Variants in MAGI2 observed in about 807,000 individuals in gnomAD.
The protein encoded by MAGI2 is membrane associated guanylate kinase, WW and PDZ domain containing 2.
MAGI2 carries 35 observed loss-of-function variants against 133.3 expected under a neutral mutation model. That is an observed-to-expected ratio of 0.26 (90% CI 0.20 to 0.35). The LOEUF (loss-of-function observed/expected upper bound fraction) is 0.35, where lower values mean the gene tolerates loss of function less well. Among genes scored for constraint, MAGI2 ranks in the 10% least tolerant of loss-of-function variants. The pLI is 1.00. For synonymous variants in MAGI2, 729 were observed against 710.6 expected, an observed-to-expected ratio of 1.03 and a Z score of -0.41; for missense variants, 1,636 against 1,863.4, an observed-to-expected ratio of 0.88 and a Z score of 2.25.
At chr7:78,900,711 TATTA>T (rs1797561061) in intron 2 of MAGI2, among the ~76,000 whole-genome samples, 1 of 152,208 alleles carries the variant, frequency 6.6e-6, no homozygotes, top group Non-Finnish European at 1.5e-5. Flanking sequence ...TGATTAATCC[TATTA>T]ATTATACCAT....
At chr7:78,277,391 C>T (rs1002283688) in intron 9 of MAGI2, among the ~76,000 whole-genome samples, 10 of 152,030 alleles carry the variant, frequency 6.6e-5, no homozygotes, top group Non-Finnish European at 1.2e-4. Context: ...AAATAATCAC[C>T]CTTATTTCTC....
intron 1 of MAGI2, among the ~76,000 whole-genome samples, chr7:79,326,348 T>C (rs1180447619): frequency 6.6e-6 from 1 of 152,150 alleles, no homozygotes; most frequent in Admixed American, 6.6e-5. Flanking sequence ...AGAAAAAAAC[T>C]AGACTACCAC....
intron 2 of MAGI2, among the ~76,000 whole-genome samples, chr7:78,763,315 C>T (rs1824699341): frequency 6.6e-6 from 1 of 152,182 alleles, no homozygotes; most frequent in Non-Finnish European, 1.5e-5. Context: ...GGCTTGCATG[C>T]ACAATGAGAC....
rs149373397 is a variant in MAGI2 at position 79,313,486 on chromosome 7, C to T, written c.301+139534G>A. ...TCTCTCTCTCTGAGAGAAAGAATAA[C>T]GGAATTAAATTGAATGATTAATCTC... is the stretch of plus-strand genomic sequence containing the variant. On this transcript the variant is annotated intron_variant, in intron 1 of 21. Coordinates refer to ENST00000354212, the MANE Select transcript of MAGI2 (RefSeq NM_012301.4). Among the ~76,000 whole-genome samples the T allele has an allele frequency of 3.3e-3, 500 of 151,944 alleles. 2 individuals carry two copies. Among genetic ancestry groups the T allele is most frequent in the African/African-American group, 0.012 (481 of 41,440 alleles).
intron 6 of MAGI2, among the ~76,000 whole-genome samples, chr7:78,480,431 T>C (rs979869928): frequency 1.3e-5 from 2 of 150,950 alleles, no homozygotes; most frequent in East Asian, 1.9e-4. Flanking sequence ...TCACAAAACA[T>C]AGACACAAAA....
At chr7:78,282,496 C>T (rs1795713930) in intron 9 of MAGI2, among the ~76,000 whole-genome samples, 1 of 152,086 alleles carries the variant, frequency 6.6e-6, no homozygotes, top group Non-Finnish European at 1.5e-5. Flanking sequence ...GCATCAGAGA[C>T]CGTGTAGCCC....
chr7:78,672,604 T>C (rs1312260361), intron 2 of MAGI2, among the ~76,000 whole-genome samples: 4 of 152,186 alleles, frequency 2.6e-5, no homozygotes, highest in Non-Finnish European at 4.4e-5. Context: ...ATAACCATGA[T>C]TGATGATCTC....
intron 2 of MAGI2, among the ~76,000 whole-genome samples, chr7:78,687,219 G>A (rs900489113): frequency 6.6e-5 from 10 of 152,028 alleles, no homozygotes; most frequent in African/African-American, 2.2e-4. Context: ...CTGACCCAAA[G>A]CTTTTCCTGT....
intron 13 of MAGI2, among the ~76,000 whole-genome samples, chr7:78,183,068 A>C (rs1163925608): frequency 6.6e-6 from 1 of 152,160 alleles, no homozygotes; most frequent in African/African-American, 2.4e-5. Flanking sequence ...TAGTTTCATA[A>C]ATATGTATTA....
chr7:79,422,265 CTT>C (rs1261886588), intron 1 of MAGI2, among the ~76,000 whole-genome samples: 1 of 151,966 alleles, frequency 6.6e-6, no homozygotes, highest in Admixed American at 6.6e-5. Context: ...TCTTTCCTGT[CTT>C]TGCCTAAATC....
chr7:78,846,975 TTTCTCCCTTCTTAATGA>T (rs1429923675), intron 2 of MAGI2, among the ~76,000 whole-genome samples: 1 of 151,914 alleles, frequency 6.6e-6, no homozygotes, highest in Non-Finnish European at 1.5e-5. Flanking sequence ...CAACCCCAAC[TTTCTCCCTTCTTAATGA>T]TTCTCACTTT....
At chr7:79,184,018 C>G (rs773050313) in intron 1 of MAGI2, among the ~76,000 whole-genome samples, 1 of 151,392 alleles carries the variant, frequency 6.6e-6, no homozygotes, top group African/African-American at 2.4e-5. Flanking sequence ...AGAAGTTGAT[C>G]GAACAATACA....
intron 2 of MAGI2, among the ~76,000 whole-genome samples, chr7:78,630,344 G>A (rs189123915): frequency 4.0e-5 from 6 of 148,542 alleles, no homozygotes; most frequent in Admixed American, 3.3e-4. Flanking sequence ...AGTGTGAAGT[G>A]TTTACATTAT....
At chr7:79,393,080 T>C (rs1156803136) in intron 1 of MAGI2, among the ~76,000 whole-genome samples, 2 of 152,232 alleles carry the variant, frequency 1.3e-5, no homozygotes, top group Admixed American at 1.3e-4. Flanking sequence ...CTAGTATCTA[T>C]TTGCAGTGTA....
At chr7:79,152,023 G>A (rs1431675248) in intron 1 of MAGI2, among the ~76,000 whole-genome samples, 1 of 152,122 alleles carries the variant, frequency 6.6e-6, no homozygotes, top group African/African-American at 2.4e-5. Context: ...ATTAAGATAC[G>A]TTGGGAGGAA....
chr7:79,181,546 C>T (rs1280833931), intron 1 of MAGI2, among the ~76,000 whole-genome samples: 1 of 151,940 alleles, frequency 6.6e-6, no homozygotes, highest in African/African-American at 2.4e-5. Flanking sequence ...TTTTTTCCCC[C>T]TAAACCTCCG....
chr7:79,192,008 T>C (rs1827715271), intron 1 of MAGI2, among the ~76,000 whole-genome samples: 2 of 151,848 alleles, frequency 1.3e-5, no homozygotes, highest in Non-Finnish European at 2.9e-5. Flanking sequence ...TATGGCTAGT[T>C]GAATTTATTG....
intron 6 of MAGI2, among the ~76,000 whole-genome samples, chr7:78,383,616 C>G (rs1795120595): frequency 1.3e-5 from 2 of 151,890 alleles, no homozygotes; most frequent in Non-Finnish European, 2.9e-5. Flanking sequence ...ACATAGTTCA[C>G]TTTTTCTTTT....
intron 1 of MAGI2, among the ~76,000 whole-genome samples, chr7:79,317,734 G>T (rs919308780): frequency 2.6e-5 from 4 of 152,082 alleles, no homozygotes; most frequent in Non-Finnish European, 4.4e-5. Context: ...GGACAGCACA[G>T]GTGTATATAG....
Sources: allele counts gnomAD v4.1 joint callset (sites outside exome capture counted in the v4.1 genomes callset), GRCh38; gene constraint gnomAD v4.1.1; transcripts MANE v1.5; gene names NCBI Gene and HGNC (gene_info 2026-07-23, HGNC 2026-07-21).